USP7: variants seen among roughly 807,000 people sequenced by gnomAD.
The protein encoded by USP7 is ubiquitin C-terminal hydrolase 7.
In USP7, 9 loss-of-function variants were observed where a neutral mutation model predicts 162.9. The ratio of observed to expected loss-of-function variants is 0.06; its 90% confidence interval spans 0.03 to 0.10. USP7 has a LOEUF of 0.10. USP7 is among the 10% of genes least tolerant of loss of function. The probability of loss-of-function intolerance (pLI) is 1.00; values close to 1 mark genes in which losing one functional copy is unlikely to be tolerated. For missense variants in USP7, 715 were observed against 1,373.7 expected, an observed-to-expected ratio of 0.52 and a Z score of 7.58; for synonymous variants, 562 against 475.9, an observed-to-expected ratio of 1.18 and a Z score of -2.35.
In USP7 at chr16:8,908,470, T is replaced by C; in HGVS notation, c.1162-20A>G. ...TGCTTCCTAAACATTGAAAAACAAA[T>C]GCAAATGTAGTTAGCCTCTACTTAC... is the stretch of plus-strand genomic sequence containing the variant. On this transcript the variant is annotated intron_variant, in intron 11 of 30. Transcript: ENST00000344836. 1 of 1,596,576 alleles carries C rather than the reference T, an allele frequency of 6.3e-7. No homozygotes were observed. Among genetic ancestry groups the C allele is most frequent in the Non-Finnish European group, 8.5e-7 (1 of 1,170,230 alleles).
At chr16:8,903,469 C>A (rs952886073) in intron 15 of USP7, 67 bp from the exon 16 acceptor site, 20 of 1,502,086 alleles carry the variant, frequency 1.3e-5, no homozygotes, top group Middle Eastern at 3.6e-4. Context: ...ACACTGAACA[C>A]ATTTAAACAC....
At chr16:8,899,864 G>GC (rs1412416840) in intron 21 of USP7, 107 bp from the exon 22 acceptor site, 2 of 1,351,980 alleles carry the variant, frequency 1.5e-6, no homozygotes, top group Admixed American at 1.8e-5. Context: ...AGGCTCTCTT[G>GC]CAAGATAAAT....
At chr16:8,929,318 A>G (rs1016025514) in intron 2 of USP7, 9 of 360,448 alleles carry the variant, frequency 2.5e-5, no homozygotes, top group African/African-American at 1.9e-4. Flanking sequence ...CTACGGTGGA[A>G]AGCGCACTCC....
chr16:8,939,752 G>T (rs1417739815), intron 1 of USP7, among the ~76,000 whole-genome samples: 2 of 152,184 alleles, frequency 1.3e-5, no homozygotes, highest in African/African-American at 4.8e-5. Flanking sequence ...CATTACGTGG[G>T]TAAGTTTAAT....
chr16:8,951,754 T>C (rs1341480419), intron 1 of USP7, among the ~76,000 whole-genome samples: 1 of 152,224 alleles, frequency 6.6e-6, no homozygotes, highest in African/African-American at 2.4e-5. Flanking sequence ...CTCAGATACA[T>C]ACAGCCCAGC....
At chr16:8,904,404 G>C (rs772259782) in intron 15 of USP7, 31 bp downstream of exon 15, 1 of 1,610,184 alleles carries the variant, frequency 6.2e-7, no homozygotes. Context: ...GCTGCATGGT[G>C]ACCCGGAGTC....
intron 1 of USP7, among the ~76,000 whole-genome samples, chr16:8,950,350 G>A (rs745995712): frequency 6.6e-6 from 1 of 151,918 alleles, no homozygotes; most frequent in East Asian, 1.9e-4. Context: ...AAACACTCAA[G>A]ATTAAAACAG....
chr16:8,918,264 C>A (rs1897487785), intron 6 of USP7, among the ~76,000 whole-genome samples: 1 of 152,180 alleles, frequency 6.6e-6, no homozygotes, highest in Non-Finnish European at 1.5e-5. Context: ...TCCCTGCCCA[C>A]CCCACAACCA....
chr16:8,952,206 C>T (rs894357818), intron 1 of USP7, among the ~76,000 whole-genome samples: 14 of 152,048 alleles, frequency 9.2e-5, no homozygotes, highest in South Asian at 2.1e-4. Flanking sequence ...ACGGTGATTG[C>T]GCCACTGAAT....
In USP7 at chr16:8,896,986, A is replaced by G. The variant is rs1391827196; in HGVS notation, c.2819+13T>C. 1.2e-6 allele frequency: 2 copies of G among 1,608,390 alleles called. No individual in the cohort carries two copies. The highest frequency in any genetic ancestry group is 3.3e-5 in the Admixed American group (2 of 59,998). On this transcript the variant is annotated intron_variant, in intron 26 of 30. Coordinates refer to ENST00000344836, the MANE Select transcript of USP7 (RefSeq NM_003470.3). ...TAACTGAACGTCCACAATTGGGCTCAAGAAATACTTGCCTAAGTTTCCCTG... is the reference window on the plus strand; with the variant it reads ...TAACTGAACGTCCACAATTGGGCTCGAGAAATACTTGCCTAAGTTTCCCTG...
intron 27 of USP7, 123 bp downstream of exon 27, chr16:8,895,519 T>C (rs937877891): frequency 2.1e-5 from 19 of 886,332 alleles, no homozygotes; most frequent in Non-Finnish European, 3.0e-5. Context: ...TGGAATCATA[T>C]ACCTCGATTA....
At chr16:8,954,584 T>C (rs1338979269) in intron 1 of USP7, among the ~76,000 whole-genome samples, 1 of 152,254 alleles carries the variant, frequency 6.6e-6, no homozygotes, top group Admixed American at 6.5e-5. Flanking sequence ...GTTTATAGGA[T>C]GTATTCTGGA....
chr16:8,920,224 CTG>C (rs1164626246), intron 5 of USP7, 133 bp downstream of exon 5: 4 of 718,828 alleles, frequency 5.6e-6, no homozygotes, highest in South Asian at 1.9e-5. Context: ...AGGTGTGACT[CTG>C]TGTGCCACAG....
Position 8,894,070 on chromosome 16 carries a change from G to C in USP7, c.3237C>G (p.Leu1079=), listed in dbSNP as rs137886097. ...TCTTTGGGGCTTTGTTGAAGTGGTC[G>C]AGCCCTAGCCAAGGCCGAGGATGAG... ...NMSHPRPWLG[L]DHFNKAPKRS... is the part of the protein sequence containing the mutation. Residue 1079 remains leucine, a synonymous_variant, in exon 31 of 31, where the codon CTC becomes CTG. Coordinates refer to ENST00000344836, the MANE Select transcript of USP7 (RefSeq NM_003470.3). 1.2e-6 allele frequency: 2 copies of C among 1,614,174 alleles called. No individual in the cohort carries two copies. Among genetic ancestry groups the C allele is most frequent in the Non-Finnish European group, 1.7e-6 (2 of 1,180,036 alleles).
Position 8,961,515 on chromosome 16 carries a change from G to GT in USP7, c.79+1691_79+1692insA, listed in dbSNP as rs386384180. ...CTCAAAAAAAAAAAAGGGGGGGGGGGGCAAATACCTTGAAATTTGTGGACC... is the reference window on the plus strand; with the variant it reads ...CTCAAAAAAAAAAAAGGGGGGGGGGGTGCAAATACCTTGAAATTTGTGGACC... On this transcript the variant is annotated intron_variant, in intron 1 of 30. Transcript: ENST00000344836. Among the ~76,000 whole-genome samples, 133 of 115,644 alleles carry GT rather than the reference G, an allele frequency of 1.2e-3. 6 individuals carry two copies. The highest frequency in any genetic ancestry group is 2.1e-3 in the Admixed American group (23 of 10,772). The allele number at this position is 115,644 out of a possible 152,430, so 75.9% of individuals were successfully genotyped here.
intron 25 of USP7, among the ~76,000 whole-genome samples, chr16:8,897,670 T>C (rs1278128185): frequency 2.6e-5 from 3 of 116,494 alleles, no homozygotes; most frequent in Non-Finnish European, 4.9e-5. Context: ...AAGACCAGTC[T>C]GGGCAATATA....
At chr16:8,950,955 C>G (rs961339930) in intron 1 of USP7, among the ~76,000 whole-genome samples, 3 of 152,188 alleles carry the variant, frequency 2.0e-5, no homozygotes, top group Middle Eastern at 3.2e-3. Context: ...AGTTAAGTAA[C>G]CATTCAAGCT....
intron 11 of USP7, 78 bp from the exon 12 acceptor site, chr16:8,908,528 C>A (rs946787026): frequency 1.1e-5 from 14 of 1,266,068 alleles, no homozygotes; most frequent in Non-Finnish European, 1.6e-5. Context: ...AGCGGTTCAG[C>A]AAGATTGGAA....
chr16:8,936,449 T>C (rs1217932580), intron 1 of USP7: 5 of 886,388 alleles, frequency 5.6e-6, no homozygotes, highest in African/African-American at 3.5e-5. Flanking sequence ...CAGTGATCTT[T>C]ATATAAATTT....
Sources: gnomAD v4.1 joint callset for allele counts (sites outside exome capture counted in the v4.1 genomes callset) on GRCh38, gnomAD v4.1.1 for gene constraint, MANE v1.5 for transcripts, NCBI Gene and HGNC (gene_info 2026-07-23, HGNC 2026-07-21) for gene names.